The following ZNF804B variants were observed in gnomAD, a reference collection of about 807,000 sequenced individuals.
ZNF804B encodes the protein zinc finger 804B.
Under a neutral mutation model 101.4 loss-of-function variants are expected in ZNF804B, and 80 were observed. That is an observed-to-expected ratio of 0.79 (90% CI 0.66 to 0.95). The LOEUF (loss-of-function observed/expected upper bound fraction) is 0.95. Among genes scored for constraint, ZNF804B ranks in the 40% least tolerant of loss-of-function variants. The pLI is 0.00. For missense variants in ZNF804B, 1,673 were observed against 1,561.9 expected (o/e 1.07, Z -1.20); for synonymous variants, 622 against 558.8 (o/e 1.11, Z -1.59).
intron 1 of ZNF804B, among the ~76,000 whole-genome samples, chr7:89,061,320 G>T (rs1398068655): frequency 6.6e-6 from 1 of 151,474 alleles, no homozygotes; most frequent in African/African-American, 2.4e-5. Flanking sequence ...TGATCTTTTG[G>T]GACTTCAGCA....
At chr7:89,190,949 A>G (rs1788447486) in intron 1 of ZNF804B, among the ~76,000 whole-genome samples, 1 of 152,206 alleles carries the variant, frequency 6.6e-6, no homozygotes, top group Non-Finnish European at 1.5e-5. Context: ...TACTGTAAAT[A>G]GAACTTTTAT....
intron 1 of ZNF804B, among the ~76,000 whole-genome samples, chr7:89,041,652 G>T (rs538303985): frequency 6.6e-6 from 1 of 152,146 alleles, no homozygotes. Context: ...GGCTGGTGTC[G>T]AAGTTTGTGG....
Position 89,335,300 on chromosome 7 carries a change from G to T in ZNF804B, c.2318G>T (p.Ser773Ile). The T allele has an allele frequency of 6.2e-7, 1 of 1,613,698 alleles. No individual in the cohort carries two copies. Among genetic ancestry groups the T allele is most frequent in the Non-Finnish European group, 8.5e-7 (1 of 1,179,938 alleles). The change falls in exon 4 of 4, where the codon AGC becomes ATC. Residue 773 changes from serine to isoleucine, a missense_variant. Transcript: ENST00000333190. ...FYLSDDITKS[S>I]QMQSEPQKER... Reference sequence around the variant, plus strand: ...TTGTCTGATGATATAACAAAGAGCAGCCAAATGCAGTCTGAACCACAGAAA... The same window carrying T: ...TTGTCTGATGATATAACAAAGAGCATCCAAATGCAGTCTGAACCACAGAAA...
At chr7:88,839,639 CA>C (rs1474582168) in intron 1 of ZNF804B, among the ~76,000 whole-genome samples, 5 of 151,814 alleles carry the variant, frequency 3.3e-5, no homozygotes, top group African/African-American at 1.2e-4. Context: ...TGTGATTCTG[CA>C]ACAGTTGAGA....
intron 1 of ZNF804B, among the ~76,000 whole-genome samples, chr7:88,760,960 T>A (rs1197902775): frequency 6.7e-6 from 1 of 148,350 alleles, no homozygotes; most frequent in Non-Finnish European, 1.5e-5. Flanking sequence ...TTTGGACTAC[T>A]AGTGACTAAG....
At chr7:88,948,616 A>G (rs1036027126) in intron 1 of ZNF804B, among the ~76,000 whole-genome samples, 2 of 151,794 alleles carry the variant, frequency 1.3e-5, no homozygotes, top group African/African-American at 4.8e-5. Context: ...CCTGCTGTCC[A>G]TCTGATAAGA....
At chr7:88,916,560 A>G (rs572158691) in intron 1 of ZNF804B, among the ~76,000 whole-genome samples, 14 of 152,276 alleles carry the variant, frequency 9.2e-5, no homozygotes, top group African/African-American at 3.4e-4. Flanking sequence ...CTTAGACTCT[A>G]TAAAATAAGA....
intron 1 of ZNF804B, among the ~76,000 whole-genome samples, chr7:88,997,386 T>A (rs1241669346): frequency 6.6e-6 from 1 of 152,162 alleles, no homozygotes; most frequent in Non-Finnish European, 1.5e-5. Flanking sequence ...AATTTGTAAC[T>A]ATTTCTTCTG....
At chr7:89,249,494 A>G (rs1789507642) in intron 2 of ZNF804B, among the ~76,000 whole-genome samples, 2 of 152,174 alleles carry the variant, frequency 1.3e-5, no homozygotes, top group Admixed American at 6.5e-5. Context: ...CAAAACTACA[A>G]AATTACATGG....
intron 2 of ZNF804B, among the ~76,000 whole-genome samples, chr7:89,324,739 C>G (rs1584125744): frequency 6.8e-6 from 1 of 146,950 alleles, no homozygotes; most frequent in African/African-American, 2.5e-5. Context: ...GTATATTTTT[C>G]TTTAACTTAC....
At chr7:89,013,827 A>G (rs1275886526) in intron 1 of ZNF804B, among the ~76,000 whole-genome samples, 1 of 152,082 alleles carries the variant, frequency 6.6e-6, no homozygotes, top group African/African-American at 2.4e-5. Flanking sequence ...CTTCTATACA[A>G]TCAACTCTTT....
At chr7:89,129,272 T>A (rs1353747274) in intron 1 of ZNF804B, among the ~76,000 whole-genome samples, 1 of 152,162 alleles carries the variant, frequency 6.6e-6, no homozygotes, top group East Asian at 1.9e-4. Flanking sequence ...AGTAATTCAA[T>A]AAAGTGATAT....
At chr7:89,138,927 C>T (rs13221779) in intron 1 of ZNF804B, among the ~76,000 whole-genome samples, 1 of 152,066 alleles carries the variant, frequency 6.6e-6, no homozygotes, top group African/African-American at 2.4e-5. Flanking sequence ...ATGTCTTTCT[C>T]TTGTAAATTG....
At chr7:88,886,082 G>A (rs945395794) in intron 1 of ZNF804B, among the ~76,000 whole-genome samples, 4 of 152,010 alleles carry the variant, frequency 2.6e-5, no homozygotes, top group Non-Finnish European at 4.4e-5. Context: ...CATAAGATAT[G>A]AACATAATTT....
At chr7:89,233,183 C>T (rs1789226080) in intron 2 of ZNF804B, among the ~76,000 whole-genome samples, 1 of 152,184 alleles carries the variant, frequency 6.6e-6, no homozygotes, top group Admixed American at 6.5e-5. Context: ...GCCTCGGCCT[C>T]CCAGAGTGCT....
intron 1 of ZNF804B, among the ~76,000 whole-genome samples, chr7:89,214,539 C>A (rs761357319): frequency 6.6e-6 from 1 of 151,798 alleles, no homozygotes; most frequent in Non-Finnish European, 1.5e-5. Flanking sequence ...GTCTTATTTA[C>A]CTTCAGGCCT....
chr7:89,280,852 C>G (rs1790082745), intron 2 of ZNF804B, among the ~76,000 whole-genome samples: 2 of 152,266 alleles, frequency 1.3e-5, no homozygotes. Context: ...ACCATTCCTT[C>G]TGAAACTATT....
intron 1 of ZNF804B, among the ~76,000 whole-genome samples, chr7:88,918,591 A>G (rs4728790): frequency 0.015 from 2,338 of 152,250 alleles, 34 homozygotes; most frequent in Admixed American, 0.041. Flanking sequence ...GTGTGTTGTC[A>G]CTCATGTCTC....
chr7:89,171,334 CTTCTTCTTCTTCTTCTTCTTCT>C (rs1562904479), intron 1 of ZNF804B, among the ~76,000 whole-genome samples: 21 of 130,552 alleles, frequency 1.6e-4, no homozygotes, highest in African/African-American at 5.4e-4. Flanking sequence ...TCTTCTTCTT[CTTCTTCTTCTTCTTCTTCTTCT>C]TCCTCCTCTT....
Sources: allele counts gnomAD v4.1 joint callset (sites outside exome capture counted in the v4.1 genomes callset), GRCh38; gene constraint gnomAD v4.1.1; transcripts MANE v1.5; gene names NCBI Gene and HGNC (gene_info 2026-07-23, HGNC 2026-07-21).